Variants in SLC7A5 observed in about 807,000 individuals in gnomAD.
SLC7A5 encodes the protein large neutral amino acids transporter small subunit 1.
A neutral mutation model predicts 50.2 loss-of-function variants in SLC7A5; 23 were observed. That is an observed-to-expected ratio of 0.46 (90% CI 0.33 to 0.65). The LOEUF is 0.65. Ranked by LOEUF, SLC7A5 falls within the 30% of genes least tolerant of loss-of-function variation. The probability of loss-of-function intolerance (pLI) is 0.02; values close to 1 mark genes in which losing one functional copy is unlikely to be tolerated. For missense variants in SLC7A5, 578 were observed against 684.4 expected, an observed-to-expected ratio of 0.84 and a Z score of 1.73; for synonymous variants, 393 against 330.6, an observed-to-expected ratio of 1.19 and a Z score of -2.05.
chr16:87,836,446 G>A (rs1041437222), intron 8 of SLC7A5, 52 bp downstream of exon 8: 12 of 1,596,596 alleles, frequency 7.5e-6, no homozygotes, highest in Admixed American at 3.3e-5. Flanking sequence ...TAGGACCCAC[G>A]GACCCTGCCT....
chr16:87,851,715 C>A lies in SLC7A5; in HGVS notation c.664+9G>T, dbSNP rs754196854. ...GGGGCCGCCGGTGGGGCCTGGGGGACGTACTCACCCTTCCCGATCTGGACG... is the reference window on the plus strand; with the variant it reads ...GGGGCCGCCGGTGGGGCCTGGGGGAAGTACTCACCCTTCCCGATCTGGACG... On this transcript the variant is annotated intron_variant, in intron 2 of 9. Coordinates refer to ENST00000261622, the MANE Select transcript of SLC7A5 (RefSeq NM_003486.7). 35 of 1,608,600 alleles carry A rather than the reference C, an allele frequency of 2.2e-5. 1 individual carries two copies. The highest frequency in any genetic ancestry group is 3.3e-4 in the Middle Eastern group (2 of 6,034).
At position 87,841,016 on chromosome 16, in the gene SLC7A5, C is replaced by T; in HGVS notation, c.770+34G>A. On this transcript the variant is annotated intron_variant, in intron 3 of 9. Coordinates refer to ENST00000261622, the MANE Select transcript of SLC7A5 (RefSeq NM_003486.7). The surrounding 1 kb of genome is among the most constrained non-coding windows in gnomAD (Gnocchi z 4.8). The stretch of plus-strand genomic sequence containing the variant: ...TGGACACGTCAGGGACTGTATGTCC[C>T]CAGACCAAGGGACCCAGACATTCCA... 1.3e-6 allele frequency: 2 copies of T among 1,491,816 alleles called. No homozygotes were observed. The highest frequency in any genetic ancestry group is 1.9e-6 in the Non-Finnish European group (2 of 1,069,630). The allele number at this position is 1,491,816 out of a possible 1,614,324, so 92.4% of individuals were successfully genotyped here.
intron 5 of SLC7A5, among the ~76,000 whole-genome samples, chr16:87,839,354 G>A (rs1183059270): frequency 6.6e-6 from 1 of 152,236 alleles, no homozygotes; most frequent in African/African-American, 2.4e-5. Flanking sequence ...CCACTCTGTG[G>A]CAGACTCCAA....
In SLC7A5 at chr16:87,837,878, C is replaced by G. The variant is rs780658123; in HGVS notation, c.1107G>C (p.Gln369His). 1.1e-5 allele frequency: 18 copies of G among 1,608,184 alleles called. No individual in the cohort carries two copies. Among genetic ancestry groups the G allele is most frequent in the East Asian group, 2.2e-5 (1 of 44,688 alleles). The change falls in exon 7 of 10, where the codon CAG (glutamine) becomes CAC (histidine). Residue 369 changes from glutamine (Q) to histidine (H), a missense_variant. By Grantham distance (24) the Gln-to-His change is conservative. This residue lies in a region of SLC7A5 where 465 missense variants were observed against 594.6 expected (regional missense o/e 0.78). Transcript: ENST00000261622. Reference sequence around the variant, plus strand: ...CGAGGGACGGCACGGGGGTGAGGAGCTGTGGGTGGATCATGGAGAGGATGG... The same window carrying G: ...CGAGGGACGGCACGGGGGTGAGGAGGTGTGGGTGGATCATGGAGAGGATGG... ...LPSILSMIHPQLLTPVPSLVF... is the reference protein window; with the variant it reads ...LPSILSMIHPHLLTPVPSLVF...
At position 87,861,700 on chromosome 16, in the gene SLC7A5, C is replaced by T. The variant is rs1437933437; in HGVS notation, c.538+7185G>A. Among the ~76,000 whole-genome samples the T allele has an allele frequency of 2.6e-5, 4 of 152,158 alleles. No homozygotes were observed. Among genetic ancestry groups the T allele is most frequent in the African/African-American group, 7.2e-5 (3 of 41,436 alleles). On this transcript the variant is annotated intron_variant, in intron 1 of 9. Coordinates refer to ENST00000261622, the MANE Select transcript of SLC7A5 (RefSeq NM_003486.7). The surrounding 1 kb of genome is among the most constrained non-coding windows in gnomAD (Gnocchi z 4.2). ...CGCAACCCACCCTTCTGTGTGAAGG[C>T]GGCTGATACACATTTCTGGGCAAGA...
chr16:87,839,112 G>C (rs4843712), intron 5 of SLC7A5, among the ~76,000 whole-genome samples: 107,731 of 152,184 alleles, frequency 0.71, 39,223 homozygotes, highest in African/African-American at 0.85. Flanking sequence ...GCCTTCCCCC[G>C]TGGGGTCCTC....
chr16:87,867,226 G>A (rs1338007478), intron 1 of SLC7A5, among the ~76,000 whole-genome samples: 2 of 152,198 alleles, frequency 1.3e-5, no homozygotes, highest in African/African-American at 4.8e-5. Flanking sequence ...AGCCAACCAG[G>A]GGTTCATTTT....
Position 87,831,497 on chromosome 16 carries a change from C to T in SLC7A5, c.*1473G>A, listed in dbSNP as rs1211819741. On this transcript the variant is annotated 3_prime_UTR_variant, in exon 10 of 10. Transcript: ENST00000261622. ...TGGTCAGTGAAGCCGTGTCCGGCTT[C>T]GTTGGCTCCCGGCTTGGGACACTCA... The T allele has an allele frequency of 1.4e-5, 2 of 147,496 alleles. No homozygotes were observed. The highest frequency in any genetic ancestry group is 3.0e-5 in the Non-Finnish European group (2 of 67,536). The allele number at this position is 147,496 out of a possible 1,614,324, so 9.1% of individuals were successfully genotyped here. A position where few individuals can be genotyped will look rare whatever the true frequency, so the allele number is the denominator to read the frequency against.
rs2054958987 is a variant in SLC7A5, at chr16:87,833,580, T to G, written c.1469-555A>C. On this transcript the variant is annotated intron_variant, in intron 9 of 9. Transcript: ENST00000261622. This position sits in a 1 kb window ranked among gnomAD's most constrained non-coding sequence, Gnocchi z 6.0. ...GAATGACAGTTAATGCAGATCCCAC[T>G]GCAAAGCTTGAGGCAAATGTTCTAC... Among the ~76,000 whole-genome samples the G allele has an allele frequency of 6.6e-6, 1 of 152,140 alleles. No individual in the cohort carries two copies. Among genetic ancestry groups the G allele is most frequent in the African/African-American group, 2.4e-5 (1 of 41,436 alleles).
rs140525697 is a variant in SLC7A5 at position 87,848,480 on chromosome 16, G to A, written c.664+3244C>T. Among the ~76,000 whole-genome samples the A allele has an allele frequency of 5.1e-3, 771 of 152,360 alleles. 2 individuals carry two copies. Among genetic ancestry groups the A allele is most frequent in the Middle Eastern group, 0.014 (4 of 294 alleles). On this transcript the variant is annotated intron_variant, in intron 2 of 9. Coordinates refer to ENST00000261622, the MANE Select transcript of SLC7A5 (RefSeq NM_003486.7). ...CGGTGGGTCAGATCTGAACCCTCAT[G>A]AGTACTGTCTCCCTTTCGAAAAGGC...
chr16:87,864,146 G>T (rs1250231764), intron 1 of SLC7A5, among the ~76,000 whole-genome samples: 1 of 150,798 alleles, frequency 6.6e-6, no homozygotes, highest in Non-Finnish European at 1.5e-5. Context: ...TACAAAATCA[G>T]CCAGGCATGG....
At position 87,841,446 on chromosome 16, in the gene SLC7A5, G is replaced by C. The variant is rs752127627; in HGVS notation, c.665-291C>G. Among the ~76,000 whole-genome samples, 17 of 152,176 alleles carry C rather than the reference G, an allele frequency of 1.1e-4. No individual in the cohort carries two copies. Among genetic ancestry groups the C allele is most frequent in the Non-Finnish European group, 2.1e-4 (14 of 68,022 alleles). ...TCAGACGCTTGTCTACAGGAGGTCAGGATGGAGGGGTCAACCAGCCCCAGT... is the reference window on the plus strand; with the variant it reads ...TCAGACGCTTGTCTACAGGAGGTCACGATGGAGGGGTCAACCAGCCCCAGT... On this transcript the variant is annotated intron_variant, in intron 2 of 9. Coordinates refer to ENST00000261622, the MANE Select transcript of SLC7A5 (RefSeq NM_003486.7). The surrounding 1 kb of genome is among the most constrained non-coding windows in gnomAD (Gnocchi z 4.8).
Position 87,868,922 on chromosome 16 carries a change from G to A in SLC7A5, c.501C>T (p.Pro167=), listed in dbSNP as rs754957688. ...AGGCCACGAGCTTGGCTGCCTCCTC[G>A]GGCACCGGGCAGGTGGGGAAGAGCG... The part of the protein sequence containing the change: ...LKPLFPTCPV[P]EEAAKLVACL... Residue 167 remains proline (P), a synonymous_variant, in exon 1 of 10, where the codon CCC becomes CCT. Transcript: ENST00000261622. 1.9e-6 allele frequency: 3 copies of A among 1,609,708 alleles called. No homozygotes were observed. Among genetic ancestry groups the A allele is most frequent in the Non-Finnish European group, 2.5e-6 (3 of 1,179,126 alleles).
chr16:87,868,104 G>T (rs149188544), intron 1 of SLC7A5, among the ~76,000 whole-genome samples: 1 of 146,126 alleles, frequency 6.8e-6, no homozygotes, highest in Non-Finnish European at 1.5e-5. Flanking sequence ...CGACTGAGCG[G>T]GACTCAGTGT....
intron 2 of SLC7A5, among the ~76,000 whole-genome samples, chr16:87,844,535 C>T (rs2055125068): frequency 6.6e-6 from 1 of 152,208 alleles, no homozygotes; most frequent in Non-Finnish European, 1.5e-5. Context: ...CACGTGGGAA[C>T]GGGATCTTCC....
intron 1 of SLC7A5, among the ~76,000 whole-genome samples, chr16:87,856,239 C>T (rs190523789): frequency 1.2e-4 from 19 of 152,356 alleles, no homozygotes; most frequent in South Asian, 2.1e-4. Context: ...GTTCCGCGCA[C>T]GGTTTCAGAG....
At chr16:87,858,663 C>T (rs529618458) in intron 1 of SLC7A5, among the ~76,000 whole-genome samples, 17 of 152,274 alleles carry the variant, frequency 1.1e-4, no homozygotes, top group East Asian at 3.9e-4. Context: ...ATCTCACCCT[C>T]GTGCTCTGGC....
rs1555516232 is a variant in SLC7A5 at position 87,860,339 on chromosome 16, A to AAATAT, written c.539-8491_539-8490insATATT. ...CAAAAGCATCTCAAAAAAAAAAAAA[A>AAATAT]ATACACACACACACACACACACACA... On this transcript the variant is annotated intron_variant, in intron 1 of 9. Coordinates refer to ENST00000261622, the MANE Select transcript of SLC7A5 (RefSeq NM_003486.7). The surrounding 1 kb of genome is among the most constrained non-coding windows in gnomAD (Gnocchi z 4.8). 1.0e-4 allele frequency among the ~76,000 whole-genome samples: 11 copies of AAATAT among 108,214 alleles called. No individual in the cohort carries two copies. The highest frequency in any genetic ancestry group is 4.3e-4 in the African/African-American group (11 of 25,666). 71.0% of individuals were successfully genotyped at this position (108,214 alleles called of 152,430 possible).
intron 1 of SLC7A5, among the ~76,000 whole-genome samples, chr16:87,855,038 C>T (rs2055297717): frequency 6.6e-6 from 1 of 152,214 alleles, no homozygotes; most frequent in Non-Finnish European, 1.5e-5. Context: ...GGGCCTTGGC[C>T]AGGACACCTG....
Sources: allele counts gnomAD v4.1 joint callset (sites outside exome capture counted in the v4.1 genomes callset), GRCh38; gene constraint gnomAD v4.1.1; regional missense constraint gnomAD v4.1.1; non-coding constraint Gnocchi (gnomAD v3.1); transcripts MANE v1.5; gene names NCBI Gene and HGNC (gene_info 2026-07-23, HGNC 2026-07-21).